Variants in WDPCP observed in about 807,000 individuals in gnomAD.
The protein encoded by WDPCP is WD repeat containing planar cell polarity effector.
WDPCP carries 71 observed loss-of-function variants against 93.1 expected under a neutral mutation model. The observed-to-expected ratio is 0.76, with a 90% CI of 0.63 to 0.93. WDPCP has a LOEUF of 0.93. Ranked by LOEUF, WDPCP falls within the 40% of genes least tolerant of loss-of-function variation. WDPCP has a pLI of 0.00. For missense variants in WDPCP, 844 were observed against 887.4 expected (o/e 0.95, Z 0.62); for synonymous variants, 315 against 315.0 (o/e 1.00, Z 0.00).
rs193116468 is a variant in WDPCP at position 63,252,790 on chromosome 2, C to T, written c.1915+6517G>A. ...ACACCAACAAATGGAAAAACTTCCA[C>T]GTGCCTGGATTGGAAAAATCAATAT... On this transcript the variant is annotated intron_variant, in intron 14 of 17. Transcript: ENST00000272321. Among the ~76,000 whole-genome samples, 412 of 152,250 alleles carry T rather than the reference C, an allele frequency of 2.7e-3. 20 individuals carry two copies. The South Asian group carries it at 0.072, about 27-fold the overall frequency.
At chr2:63,821,281 G>C (rs771231875) in intron 1 of WDPCP, among the ~76,000 whole-genome samples, 10 of 152,202 alleles carry the variant, frequency 6.6e-5, no homozygotes, top group Non-Finnish European at 1.2e-4. Flanking sequence ...TGAACTCTGG[G>C]TTGGCTCTTG....
intron 2 of WDPCP, among the ~76,000 whole-genome samples, chr2:63,689,020 A>G (rs1174206649): frequency 6.6e-6 from 1 of 152,242 alleles, no homozygotes; most frequent in South Asian, 2.1e-4. Context: ...GATGAAGGCC[A>G]TGTTCTTGAA....
chr2:63,532,020 A>T (rs1045276470), intron 1 of WDPCP, among the ~76,000 whole-genome samples: 1 of 152,128 alleles, frequency 6.6e-6, no homozygotes. Context: ...ACCTTAAATG[A>T]CCTGATGGGG....
Position 63,679,035 on chromosome 2 carries a change from C to A in WDPCP, n.309-28197G>T, listed in dbSNP as rs1371767026. Among the ~76,000 whole-genome samples the A allele has an allele frequency of 3.9e-5, 6 of 152,200 alleles. No individual in the cohort carries two copies. The East Asian group carries it at 1.2e-3, about 29-fold the overall frequency. ...GACCTAGCCTGGAGCTTGCTCCTAC[C>A]TAAAATGTCGTAAATTTCTAATCCC... On this transcript the variant is annotated intron_variant and non_coding_transcript_variant, in intron 2 of 4. Coordinates refer to the WDPCP transcript ENST00000467687.
intron 2 of WDPCP, among the ~76,000 whole-genome samples, chr2:63,802,065 C>T (rs1296172537): frequency 6.6e-6 from 1 of 152,072 alleles, no homozygotes; most frequent in Non-Finnish European, 1.5e-5. Context: ...TTAACCACAA[C>T]AAATAGCAAA....
chr2:63,228,760 A>G (rs1229432325), intron 14 of WDPCP: 1 of 151,892 alleles, frequency 6.6e-6, no homozygotes, highest in East Asian at 1.9e-4. Context: ...AAGGACATGA[A>G]CTCATCCTTT....
rs79936941 is a variant in WDPCP at position 63,158,453 on chromosome 2, T to C, written c.2079-4879A>G. Among the ~76,000 whole-genome samples, 8 of 152,312 alleles carry C rather than the reference T, an allele frequency of 5.3e-5. No homozygotes were observed. In the East Asian group the frequency reaches 1.5e-3, roughly 29 times the overall value. ...TGTTATGCTTTCTTGATAAATTGGC[T>C]CTTTTATCATCTTTTCCTTCTTTGC... On this transcript the variant is annotated intron_variant, in intron 15 of 17. Transcript: ENST00000272321.
intron 1 of WDPCP, among the ~76,000 whole-genome samples, chr2:63,821,436 T>A (rs550603705): frequency 2.6e-5 from 4 of 152,338 alleles, no homozygotes; most frequent in South Asian, 2.1e-4. Context: ...AGCTCCTGTG[T>A]TCCTTTGAGT....
intron 1 of WDPCP, among the ~76,000 whole-genome samples, chr2:63,568,061 T>C (rs1707210776): frequency 6.6e-6 from 1 of 152,180 alleles, no homozygotes; most frequent in Non-Finnish European, 1.5e-5. Context: ...AGAGCTAACA[T>C]TTACTGAAAG....
At chr2:63,355,514 G>C (rs4671058) in intron 12 of WDPCP, among the ~76,000 whole-genome samples, 147,924 of 152,292 alleles carry the variant, frequency 0.97, 71,869 homozygotes, top group East Asian at 1. Flanking sequence ...AACACACAGG[G>C]CAGTGTCACT....
chr2:63,282,232 C>T (rs927240109), intron 13 of WDPCP, among the ~76,000 whole-genome samples: 9 of 152,138 alleles, frequency 5.9e-5, no homozygotes, highest in East Asian at 1.9e-4. Flanking sequence ...TGGGCTCGGG[C>T]GCAGTGGCTC....
chr2:63,702,533 C>A (rs1013659333), intron 2 of WDPCP, among the ~76,000 whole-genome samples: 1 of 92,064 alleles, frequency 1.1e-5, no homozygotes, highest in Non-Finnish European at 2.2e-5. Context: ...TAATAGCTAC[C>A]CATTCTTTTT....
rs550345291 is a variant in WDPCP at position 63,354,161 on chromosome 2, G to A, written c.1748+24225C>T. Reference sequence around the variant, plus strand: ...AGTAGACCCAAAGAGAGGCCAGTCCGTCTCCCACCAATCCCACACATCCCC... The same window carrying A: ...AGTAGACCCAAAGAGAGGCCAGTCCATCTCCCACCAATCCCACACATCCCC... On this transcript the variant is annotated intron_variant, in intron 12 of 17. Transcript: ENST00000272321. 6.7e-4 allele frequency among the ~76,000 whole-genome samples: 102 copies of A among 152,184 alleles called. 1 individual carries two copies. The highest frequency in any genetic ancestry group is 1.7e-3 in the African/African-American group (72 of 41,524).
chr2:63,817,536 T>A (rs1206253659), intron 1 of WDPCP, among the ~76,000 whole-genome samples: 2 of 152,162 alleles, frequency 1.3e-5, no homozygotes, highest in African/African-American at 2.4e-5. Context: ...CTATAGTCCA[T>A]GGGTTAAATC....
intron 17 of WDPCP, among the ~76,000 whole-genome samples, chr2:63,135,673 A>G (rs576597434): frequency 9.2e-5 from 14 of 152,334 alleles, no homozygotes; most frequent in African/African-American, 3.1e-4. Flanking sequence ...TAATTATGGC[A>G]ACATAATCCT....
intron 1 of WDPCP, chr2:63,518,192 T>C (rs764811073): frequency 1.3e-5 from 2 of 152,332 alleles, no homozygotes; most frequent in East Asian, 1.9e-4. Flanking sequence ...CTGGCCTAGT[T>C]TCATATTTTA....
intron 2 of WDPCP, among the ~76,000 whole-genome samples, chr2:63,490,421 A>G (rs537901419): frequency 3.9e-5 from 6 of 152,200 alleles, no homozygotes; most frequent in Admixed American, 1.3e-4. Flanking sequence ...CAATTTTTCT[A>G]TAAGTTTGTG....
chr2:63,339,028 G>C (rs1432922260), intron 12 of WDPCP, among the ~76,000 whole-genome samples: 3 of 151,878 alleles, frequency 2.0e-5, no homozygotes, highest in African/African-American at 7.3e-5. Context: ...TATCTATTTT[G>C]TATGTGTGTC....
intron 12 of WDPCP, among the ~76,000 whole-genome samples, chr2:63,337,344 T>C (rs1688457568): frequency 6.6e-6 from 1 of 152,204 alleles, no homozygotes; most frequent in Admixed American, 6.5e-5. Flanking sequence ...TGAATAATAT[T>C]CCATTGTGTA....
Sources: gnomAD v4.1 joint callset for allele counts (sites outside exome capture counted in the v4.1 genomes callset) on GRCh38, gnomAD v4.1.1 for gene constraint, MANE v1.5 for transcripts, NCBI Gene and HGNC (gene_info 2026-07-23, HGNC 2026-07-21) for gene names.